Variants in RXFP2 observed in about 807,000 individuals in gnomAD.
RXFP2 encodes relaxin receptor 2.
Under a neutral mutation model 88.6 loss-of-function variants are expected in RXFP2, and 68 were observed. That is an observed-to-expected ratio of 0.77 (90% confidence interval 0.63 to 0.94). The LOEUF (loss-of-function observed/expected upper bound fraction) is 0.94, where lower values mean the gene tolerates loss of function less well. RXFP2 is among the 40% of genes least tolerant of loss of function. The pLI is 0.00. For missense variants in RXFP2, 791 were observed against 893.9 expected (o/e 0.88, Z 1.47); for synonymous variants, 329 against 306.8 (o/e 1.07, Z -0.76).
At chr13:31,771,922 C>T (rs1426694315) in intron 5 of RXFP2, among the ~76,000 whole-genome samples, 1 of 151,684 alleles carries the variant, frequency 6.6e-6, no homozygotes, top group Non-Finnish European at 1.5e-5. Context: ...TAAATATTCA[C>T]AGTGGAGTTG....
chr13:31,800,406 T>C (rs935644805), intron 17 of RXFP2, among the ~76,000 whole-genome samples: 2 of 152,050 alleles, frequency 1.3e-5, no homozygotes, highest in Non-Finnish European at 2.9e-5. Flanking sequence ...CCGTCTCTAC[T>C]GAAAATATAT....
chr13:31,748,387 G>C (rs1482112601), intron 1 of RXFP2, among the ~76,000 whole-genome samples: 1 of 152,154 alleles, frequency 6.6e-6, no homozygotes, highest in Non-Finnish European at 1.5e-5. Context: ...TCACCAAATA[G>C]TGTATCATTG....
Position 31,774,612 on chromosome 13 carries a change from C to A in RXFP2, c.498-8C>A. ...AATCACCTGACTCTCTTATCTTATT[C>A]CTACCAGATTTCTTCAGCATAATTG... On this transcript the variant is annotated splice_polypyrimidine_tract_variant and splice_region_variant and intron_variant, in intron 5 of 17. Coordinates refer to ENST00000298386, the MANE Select transcript of RXFP2 (RefSeq NM_130806.5). 6.9e-7 allele frequency: 1 copy of A among 1,451,648 alleles called. No homozygotes were observed. The highest frequency in any genetic ancestry group is 9.7e-7 in the Non-Finnish European group (1 of 1,032,190). 89.9% of individuals were successfully genotyped at this position (1,451,648 alleles called of 1,614,324 possible). A position where few individuals can be genotyped will look rare whatever the true frequency, so the allele number is the denominator to read the frequency against.
intron 1 of RXFP2, among the ~76,000 whole-genome samples, chr13:31,747,303 C>T (rs778462645): frequency 5.9e-5 from 9 of 152,126 alleles, no homozygotes; most frequent in Non-Finnish European, 1.2e-4. Context: ...CCTTTGCCAC[C>T]GCTCCTCTTC....
At position 31,777,463 on chromosome 13, in the gene RXFP2, C is replaced by A; in HGVS notation, c.713+16C>A. ...TGTTTTTCCTGTAAGTATTCATCAA[C>A]CTTTCAATACATCTATCGATACATT... On this transcript the variant is annotated intron_variant, in intron 8 of 17. Coordinates refer to ENST00000298386, the MANE Select transcript of RXFP2 (RefSeq NM_130806.5). 1.3e-6 allele frequency: 2 copies of A among 1,541,062 alleles called. No individual in the cohort carries two copies. The highest frequency in any genetic ancestry group is 2.3e-5 in the South Asian group (2 of 88,864).
intron 5 of RXFP2, among the ~76,000 whole-genome samples, chr13:31,769,335 T>C (rs1872655984): frequency 6.6e-6 from 1 of 152,124 alleles, no homozygotes; most frequent in South Asian, 2.1e-4. Context: ...TTCCTAAATT[T>C]ACCCCCAAGA....
chr13:31,777,525 T>C lies in RXFP2; in HGVS notation c.713+78T>C, dbSNP rs1873047617. The C allele has an allele frequency of 4.4e-6, 5 of 1,141,012 alleles. No homozygotes were observed. The Admixed American group carries it at 8.7e-5, about 20-fold the overall frequency. The allele number at this position is 1,141,012 out of a possible 1,614,324, so 70.7% of individuals were successfully genotyped here. ...TAGCACTAGCTTACAAAAAGAACTTTTAAAAAAATCAAGCCCACAAAAATT... is the reference window on the plus strand; with the variant it reads ...TAGCACTAGCTTACAAAAAGAACTTCTAAAAAAATCAAGCCCACAAAAATT... On this transcript the variant is annotated intron_variant, in intron 8 of 17. Coordinates refer to ENST00000298386, the MANE Select transcript of RXFP2 (RefSeq NM_130806.5).
At chr13:31,771,433 T>C (rs1426223719) in intron 5 of RXFP2, among the ~76,000 whole-genome samples, 1 of 152,126 alleles carries the variant, frequency 6.6e-6, no homozygotes, top group Non-Finnish European at 1.5e-5. Context: ...GTGCACTCTT[T>C]AAGAGAATCT....
At position 31,789,138 on chromosome 13, in the gene RXFP2, G is replaced by A. The variant is rs747541285; in HGVS notation, c.1090G>A (p.Glu364Lys). 7 of 1,606,730 alleles carry A rather than the reference G, an allele frequency of 4.4e-6. No homozygotes were observed. In the East Asian group the frequency reaches 1.3e-4, roughly 31 times the overall value. Residue 364 changes from glutamate to lysine, a missense_variant, in exon 14 of 18, where the codon GAG becomes AAG. Transcript: ENST00000298386. ...ATTTTCCAGAGACCTGGAAAGGATA[G>A]AGATTCCAAATATAAACACACGAAT... is the stretch of plus-strand genomic sequence containing the variant. ...QLQSLDLERI[E>K]IPNINTRMFQ...
At chr13:31,752,775 C>T (rs995790172) in intron 1 of RXFP2, among the ~76,000 whole-genome samples, 7 of 152,192 alleles carry the variant, frequency 4.6e-5, no homozygotes, top group East Asian at 1.9e-4. Flanking sequence ...TCAGTGGAGC[C>T]GCCCGGGACA....
At chr13:31,767,229 G>A (rs1444098035) in intron 5 of RXFP2, among the ~76,000 whole-genome samples, 1 of 152,172 alleles carries the variant, frequency 6.6e-6, no homozygotes, top group Non-Finnish European at 1.5e-5. Context: ...CCATGACGTA[G>A]AACCTTGTGT....
intron 3 of RXFP2, 123 bp from the exon 4 acceptor site, chr13:31,764,914 G>A (rs1872478280): frequency 1.5e-6 from 1 of 662,704 alleles, no homozygotes; most frequent in African/African-American, 1.8e-5. Context: ...GGCTGAATGA[G>A]TTCATTTAAC....
chr13:31,763,081 CTT>C (rs71099991), intron 3 of RXFP2, among the ~76,000 whole-genome samples: 10,763 of 112,900 alleles, frequency 0.095, 415 homozygotes, highest in Middle Eastern at 0.14. Flanking sequence ...TGTCTGGAGA[CTT>C]TTTTTTTTTT....
At chr13:31,757,092 A>G (rs1341593637) in intron 1 of RXFP2, among the ~76,000 whole-genome samples, 1 of 152,142 alleles carries the variant, frequency 6.6e-6, no homozygotes, top group African/African-American at 2.4e-5. Context: ...GTAAATGTCG[A>G]TTATATTTAT....
chr13:31,746,898 A>G (rs1338391967), intron 1 of RXFP2, among the ~76,000 whole-genome samples: 1 of 152,190 alleles, frequency 6.6e-6, no homozygotes, highest in Non-Finnish European at 1.5e-5. Flanking sequence ...TATTCCCTTA[A>G]AAGCCTCAAA....
At chr13:31,764,965 C>A in intron 3 of RXFP2, 72 bp from the exon 4 acceptor site, 1 of 816,858 alleles carries the variant, frequency 1.2e-6, no homozygotes, top group Non-Finnish European at 2.1e-6. Context: ...AAAACAATAT[C>A]AGTTATTAAA....
chr13:31,766,308 A>T (rs1044807348), intron 5 of RXFP2, among the ~76,000 whole-genome samples: 1 of 152,130 alleles, frequency 6.6e-6, no homozygotes, highest in Non-Finnish European at 1.5e-5. Context: ...ATTTTCCTCA[A>T]GATATTGGGA....
At chr13:31,752,985 A>G (rs934083835) in intron 1 of RXFP2, among the ~76,000 whole-genome samples, 1 of 152,162 alleles carries the variant, frequency 6.6e-6, no homozygotes, top group African/African-American at 2.4e-5. Flanking sequence ...CAATTTCTAT[A>G]GCCCCTCTGA....
intron 17 of RXFP2, among the ~76,000 whole-genome samples, chr13:31,798,662 A>T (rs1874173479): frequency 6.6e-6 from 1 of 152,210 alleles, no homozygotes; most frequent in Admixed American, 6.5e-5. Flanking sequence ...ACAAAGTCCA[A>T]GTGCTGGGAT....
Sources: gnomAD v4.1 joint callset for allele counts (sites outside exome capture counted in the v4.1 genomes callset) on GRCh38, gnomAD v4.1.1 for gene constraint, MANE v1.5 for transcripts, NCBI Gene and HGNC (gene_info 2026-07-23, HGNC 2026-07-21) for gene names.